PTP4A1: variants seen among roughly 807,000 people sequenced by gnomAD.
The protein encoded by PTP4A1 is protein tyrosine phosphatase 4A1.
Under a neutral mutation model 20.5 loss-of-function variants are expected in PTP4A1, and 9 were observed. The ratio of observed to expected loss-of-function variants is 0.44; its 90% CI spans 0.26 to 0.77. PTP4A1 has a LOEUF of 0.77. PTP4A1 is among the 30% of genes least tolerant of loss of function. The probability of loss-of-function intolerance (pLI) is 0.19; values close to 1 mark genes in which losing one functional copy is unlikely to be tolerated. For synonymous variants in PTP4A1, 78 were observed against 67.4 expected (o/e 1.16, Z -0.77); for missense variants, 137 against 218.8 (o/e 0.63, Z 2.36).
chr6:63,569,627 T>C (rs920755654), upstream of PTP4A1, among the ~76,000 whole-genome samples: 1 of 152,228 alleles, frequency 6.6e-6, no homozygotes, highest in African/African-American at 2.4e-5. Context: ...ATATTTTGAA[T>C]TGTCAATAGA....
Position 63,576,708 on chromosome 6 carries a change from G to C in PTP4A1, c.-173G>C. The C allele has an allele frequency of 1.6e-6, 1 of 615,844 alleles. No homozygotes were observed. Among genetic ancestry groups the C allele is most frequent in the Non-Finnish European group, 2.8e-6 (1 of 352,694 alleles). The allele number at this position is 615,844 out of a possible 1,614,324, so 38.1% of individuals were successfully genotyped here. A position where few individuals can be genotyped will look rare whatever the true frequency, so the allele number is the denominator to read the frequency against. Reference sequence around the variant, plus strand: ...AGTATTACTGGATTGAAGAATTGCTGCTTCTTGTTAGGAGGTTCATTTCAC... The same window carrying C: ...AGTATTACTGGATTGAAGAATTGCTCCTTCTTGTTAGGAGGTTCATTTCAC... On this transcript the variant is annotated 5_prime_UTR_variant, in exon 2 of 6. Transcript: ENST00000626021.
chr6:63,576,959 A>G lies in PTP4A1; in HGVS notation c.79A>G (p.Asn27Asp). 7 of 1,613,880 alleles carry G rather than the reference A, an allele frequency of 4.3e-6. No individual in the cohort carries two copies. The highest frequency in any genetic ancestry group is 5.9e-6 in the Non-Finnish European group (7 of 1,179,808). ...MRFLITHNPT[N>D]ATLNKFIEEL... is the part of the protein sequence containing the mutation. ...ATTTCTTATTACACACAATCCAACCAATGCGACCTTAAACAAATTTATAGA... is the reference window on the plus strand; with the variant it reads ...ATTTCTTATTACACACAATCCAACCGATGCGACCTTAAACAAATTTATAGA... The change falls in exon 2 of 6, where the codon AAT becomes GAT. Residue 27 changes from asparagine (N) to aspartate (D), a missense_variant. Transcript: ENST00000626021.
Position 63,583,511 on chromosome 6 carries a change from A to G in PTP4A1, c.*3337A>G, listed in dbSNP as rs910428295. ...AACCAGTGATATGTGTTAACGTATG[A>G]ATGAAAGGATTGATGGTGATTTTAT... On this transcript the variant is annotated 3_prime_UTR_variant, in exon 6 of 6. Coordinates refer to ENST00000626021, the MANE Select transcript of PTP4A1 (RefSeq NM_003463.5). 2.6e-5 allele frequency: 4 copies of G among 152,234 alleles called. No homozygotes were observed. The highest frequency in any genetic ancestry group is 7.2e-5 in the African/African-American group (3 of 41,468). The allele number at this position is 152,234 out of a possible 1,614,324, so 9.4% of individuals were successfully genotyped here.
At position 63,580,091 on chromosome 6, in the gene PTP4A1, C is replaced by T. The variant is rs1681943; in HGVS notation, c.439C>T (p.Leu147=). 3.7e-3 allele frequency: 5,888 copies of T among 1,609,758 alleles called. 183 individuals are homozygous for T. In the African/African-American group the frequency reaches 0.068, roughly 19 times the overall value. The change falls in exon 6 of 6, where the codon CTG becomes TTG. Residue 147 remains leucine, a synonymous_variant. Coordinates refer to ENST00000626021, the MANE Select transcript of PTP4A1 (RefSeq NM_003463.5). ...RRGAFNSKQL[L]YLEKYRPKMR... is the part of the protein sequence containing the mutation. ...TGGAGCTTTTAACAGCAAGCAACTT[C>T]TGTATTTGGAGAAGTATCGTCCTAA...
chr6:63,518,537 G>A (rs1051587206), upstream of PTP4A1, among the ~76,000 whole-genome samples: 1 of 152,172 alleles, frequency 6.6e-6, no homozygotes, highest in Non-Finnish European at 1.5e-5. Flanking sequence ...CTGAAAAAGA[G>A]GGTGGGGGCA....
chr6:63,541,503 A>T (rs776022757), intron 2 of PTP4A1, among the ~76,000 whole-genome samples: 10 of 152,148 alleles, frequency 6.6e-5, no homozygotes, highest in Non-Finnish European at 1.0e-4. Context: ...CAGTGAGCCA[A>T]GATCTCGCCA....
At chr6:63,537,760 G>C (rs1775785428) in intron 2 of PTP4A1, among the ~76,000 whole-genome samples, 1 of 152,184 alleles carries the variant, frequency 6.6e-6, no homozygotes, top group Admixed American at 6.5e-5. Flanking sequence ...GGACCCTACA[G>C]TTTAATTTGT....
Position 63,572,666 on chromosome 6 carries a change from C to T in PTP4A1, c.-499C>T, listed in dbSNP as rs1777528891. ...CCGCCACCGCCTGTGTCGCCGCCGCCTCGGGACCGGCTGTATGATTAGGCC... is the reference window on the plus strand; with the variant it reads ...CCGCCACCGCCTGTGTCGCCGCCGCTTCGGGACCGGCTGTATGATTAGGCC... On this transcript the variant is annotated 5_prime_UTR_variant, in exon 1 of 6. Transcript: ENST00000626021. The T allele has an allele frequency of 7.3e-6, 3 of 410,380 alleles. No homozygotes were observed. Among genetic ancestry groups the T allele is most frequent in the African/African-American group, 4.1e-5 (2 of 48,696 alleles). The allele number at this position is 410,380 out of a possible 1,614,324, so 25.4% of individuals were successfully genotyped here. A position where few individuals can be genotyped will look rare whatever the true frequency, so the allele number is the denominator to read the frequency against.
rs549126763 is a variant in PTP4A1, at chr6:63,539,154, A to C, written c.-640+11070A>C. Among the ~76,000 whole-genome samples, 11 of 152,290 alleles carry C rather than the reference A, an allele frequency of 7.2e-5. No homozygotes were observed. The East Asian group carries it at 2.1e-3, about 29-fold the overall frequency. ...GGTGGTCCACCCACCTTGGCTTCCC[A>C]AAGTACTGGGATTACAGTCATGAGC... is the stretch of plus-strand genomic sequence containing the variant. On this transcript the variant is annotated intron_variant, in intron 2 of 3. Transcript: ENST00000639568.
At chr6:63,548,484 G>T (rs1776298039) in intron 2 of PTP4A1, among the ~76,000 whole-genome samples, 1 of 152,152 alleles carries the variant, frequency 6.6e-6, no homozygotes, top group Non-Finnish European at 1.5e-5. Flanking sequence ...CAGTTTTCTT[G>T]TTTGTCTCCA....
At position 63,548,964 on chromosome 6, in the gene PTP4A1, C is replaced by A. The variant is rs1776317227; in HGVS notation, c.-639-1336C>A. 1.2e-5 allele frequency: 9 copies of A among 760,364 alleles called. No individual in the cohort carries two copies. In the Admixed American group the frequency reaches 1.7e-4, roughly 14 times the overall value. The allele number at this position is 760,364 out of a possible 1,614,324, so 47.1% of individuals were successfully genotyped here. ...CAGTCTTGCCTCCCCCTTGATAATG[C>A]AGTAAGGGACCCGCATTTTATGACA... On this transcript the variant is annotated intron_variant, in intron 2 of 3. Coordinates refer to the PTP4A1 transcript ENST00000639568.
At chr6:63,557,834 A>G (rs1033122843) in intron 3 of PTP4A1, among the ~76,000 whole-genome samples, 2 of 152,012 alleles carry the variant, frequency 1.3e-5, no homozygotes, top group African/African-American at 4.8e-5. Context: ...TCATTGGAGG[A>G]TTTTGAGAAA....
intron 2 of PTP4A1, among the ~76,000 whole-genome samples, chr6:63,547,698 A>T (rs1776258404): frequency 6.7e-6 from 1 of 148,480 alleles, no homozygotes; most frequent in African/African-American, 2.5e-5. Context: ...TTTTCAGTAG[A>T]GACGGGGTTT....
At chr6:63,547,934 C>T (rs921367862) in intron 2 of PTP4A1, among the ~76,000 whole-genome samples, 1 of 152,150 alleles carries the variant, frequency 6.6e-6, no homozygotes, top group African/African-American at 2.4e-5. Flanking sequence ...TGCTTAAAAC[C>T]CTTAAAGTTC....
chr6:63,516,954 CT>C (rs940228480), upstream of PTP4A1, among the ~76,000 whole-genome samples: 26 of 152,260 alleles, frequency 1.7e-4, no homozygotes, highest in African/African-American at 5.8e-4. Context: ...CCCAAACTGA[CT>C]CTTCTGGATT....
intron 2 of PTP4A1, among the ~76,000 whole-genome samples, 163 bp downstream of exon 2, chr6:63,577,148 G>T (rs983335706): frequency 6.6e-6 from 1 of 152,172 alleles, no homozygotes; most frequent in South Asian, 2.1e-4. Context: ...AGGTATATTT[G>T]TACATTTTGA....
At position 63,576,570 on chromosome 6, in the gene PTP4A1, A is replaced by G. The variant is rs756319519; in HGVS notation, c.-311A>G. On this transcript the variant is annotated 5_prime_UTR_variant, in exon 2 of 6. Transcript: ENST00000626021. ...ATTACTGCTCCACCAAGAAGCCCCC[A>G]TAAGAGTGGTTATCCTGGACACAGA... 8.8e-6 allele frequency: 4 copies of G among 457,012 alleles called. No homozygotes were observed. The highest frequency in any genetic ancestry group is 1.5e-5 in the Non-Finnish European group (4 of 260,700). The allele number at this position is 457,012 out of a possible 1,614,324, so 28.3% of individuals were successfully genotyped here. A position where few individuals can be genotyped will look rare whatever the true frequency, so the allele number is the denominator to read the frequency against.
upstream of PTP4A1, among the ~76,000 whole-genome samples, chr6:63,520,389 G>A (rs1774875743): frequency 6.6e-6 from 1 of 152,198 alleles, no homozygotes. Context: ...CACTTTGGGA[G>A]ACTGAGGCGG....
chr6:63,563,874 A>T (rs1167827089), intron 3 of PTP4A1, among the ~76,000 whole-genome samples: 2 of 152,234 alleles, frequency 1.3e-5, no homozygotes, highest in Non-Finnish European at 2.9e-5. Flanking sequence ...TGGGAATAGG[A>T]TGCCCTAATA....
Sources: allele counts gnomAD v4.1 joint callset (sites outside exome capture counted in the v4.1 genomes callset), GRCh38; gene constraint gnomAD v4.1.1; transcripts MANE v1.5; gene names NCBI Gene and HGNC (gene_info 2026-07-23, HGNC 2026-07-21).